DEPTOR: variants seen among roughly 807,000 people sequenced by gnomAD.
The protein encoded by DEPTOR is DEP domain-containing mTOR-interacting protein.
A neutral mutation model predicts 41.6 loss-of-function variants in DEPTOR; 41 were observed. The observed-to-expected ratio is 0.98, with a 90% CI of 0.77 to 1.28. DEPTOR has a LOEUF of 1.28. Ranked by LOEUF, DEPTOR falls within the 50% of genes most tolerant of loss-of-function variation. The pLI, the probability that DEPTOR is intolerant of heterozygous loss-of-function variation, is 0.00. For missense variants in DEPTOR, 514 were observed against 527.9 expected, an observed-to-expected ratio of 0.97 and a Z score of 0.26; for synonymous variants, 195 against 192.3, an observed-to-expected ratio of 1.01 and a Z score of -0.12.
At chr8:119,891,458 A>G (rs937776206) in intron 1 of DEPTOR, among the ~76,000 whole-genome samples, 1 of 152,162 alleles carries the variant, frequency 6.6e-6, no homozygotes, top group Non-Finnish European at 1.5e-5. Context: ...TTGGTTGAAG[A>G]AAATATTCCA....
In DEPTOR at chr8:119,929,972, G is replaced by A. The variant is rs1211004094; in HGVS notation, c.425+34G>A. ...CGCATGAAATCCCCCCTGTAATCTTGACTTATAGAAAGAAGCAGAACTGTG... is the reference window on the plus strand; with the variant it reads ...CGCATGAAATCCCCCCTGTAATCTTAACTTATAGAAAGAAGCAGAACTGTG... On this transcript the variant is annotated intron_variant, in intron 3 of 8. Transcript: ENST00000286234. The A allele has an allele frequency of 5.7e-6, 9 of 1,592,600 alleles. 1 individual carries two copies. In the South Asian group the frequency reaches 1.0e-4, roughly 18 times the overall value.
chr8:119,921,963 G>T (rs750936959), intron 1 of DEPTOR, among the ~76,000 whole-genome samples: 5 of 151,832 alleles, frequency 3.3e-5, no homozygotes, highest in African/African-American at 1.2e-4. Context: ...TAGGCTGGGC[G>T]CAGTAGCTCA....
At chr8:119,903,994 T>C (rs12679478) in intron 1 of DEPTOR, among the ~76,000 whole-genome samples, 108,647 of 151,974 alleles carry the variant, frequency 0.71, 39,337 homozygotes, top group East Asian at 0.95. Context: ...GGAGTTGCTA[T>C]TCTGACATCT....
intron 3 of DEPTOR, among the ~76,000 whole-genome samples, chr8:119,951,729 T>G (rs960442798): frequency 2.0e-5 from 3 of 152,228 alleles, no homozygotes; most frequent in African/African-American, 7.2e-5. Flanking sequence ...GAGCACCTAA[T>G]GTATACCTCC....
Position 119,873,804 on chromosome 8 carries a change from C to A in DEPTOR, c.-43C>A. The A allele has an allele frequency of 6.2e-7, 1 of 1,605,416 alleles. No individual in the cohort carries two copies. The highest frequency in any genetic ancestry group is 8.5e-7 in the Non-Finnish European group (1 of 1,176,010). On this transcript the variant is annotated 5_prime_UTR_variant, in exon 1 of 9. Coordinates refer to ENST00000286234, the MANE Select transcript of DEPTOR (RefSeq NM_022783.4). ...AGACTGATCCGAGCACCCAAACCCT[C>A]GGCGGACAGCGGAGCCAGTGGTAGC...
At chr8:119,953,148 T>C (rs913396564) in intron 3 of DEPTOR, among the ~76,000 whole-genome samples, 16 of 152,190 alleles carry the variant, frequency 1.1e-4, no homozygotes, top group African/African-American at 3.9e-4. Flanking sequence ...TTTCTTGCTG[T>C]TGGGGCCAAG....
At position 120,009,014 on chromosome 8, in the gene DEPTOR, G is replaced by A; in HGVS notation, c.997-15G>A. The A allele has an allele frequency of 6.2e-7, 1 of 1,613,430 alleles. No individual in the cohort carries two copies. Among genetic ancestry groups the A allele is most frequent in the Non-Finnish European group, 8.5e-7 (1 of 1,179,682 alleles). On this transcript the variant is annotated splice_polypyrimidine_tract_variant and intron_variant, in intron 7 of 8. Transcript: ENST00000286234. ...AGACAGTCGGCTGCTTGCTAATTGT[G>A]GTTTTCCTCTCTAGATTGTTGGTGA...
At chr8:119,991,294 C>T (rs1812169692) in intron 4 of DEPTOR, among the ~76,000 whole-genome samples, 1 of 151,886 alleles carries the variant, frequency 6.6e-6, no homozygotes, top group Non-Finnish European at 1.5e-5. Flanking sequence ...CCTTACCCCT[C>T]ATGTAGGCCC....
intron 8 of DEPTOR, among the ~76,000 whole-genome samples, chr8:120,036,500 C>G (rs377257459): frequency 6.6e-6 from 1 of 152,188 alleles, no homozygotes; most frequent in East Asian, 1.9e-4. Flanking sequence ...TGCATACTTG[C>G]AGAGAGATTT....
At chr8:120,009,851 T>A (rs1812503600) in intron 8 of DEPTOR, among the ~76,000 whole-genome samples, 1 of 152,168 alleles carries the variant, frequency 6.6e-6, no homozygotes, top group Non-Finnish European at 1.5e-5. Flanking sequence ...TTTGGAGGTT[T>A]GGTCTCCAAA....
At position 120,007,680 on chromosome 8, in the gene DEPTOR, C is replaced by T. The variant is rs1481282351; in HGVS notation, c.996+805C>T. On this transcript the variant is annotated intron_variant, in intron 7 of 8. Coordinates refer to ENST00000286234, the MANE Select transcript of DEPTOR (RefSeq NM_022783.4). ...AGGCTGGGGGAGAATTCTATCCACA[C>T]TCAGTCATGCTGCAAACATTTGCTG... 3.3e-5 allele frequency among the ~76,000 whole-genome samples: 5 copies of T among 152,316 alleles called. No individual in the cohort carries two copies. In the South Asian group the frequency reaches 1.0e-3, roughly 32 times the overall value.
chr8:119,951,535 T>G (rs1319467656), intron 3 of DEPTOR, among the ~76,000 whole-genome samples: 1 of 152,198 alleles, frequency 6.6e-6, no homozygotes, highest in Admixed American at 6.5e-5. Context: ...ATTACAACTT[T>G]CCAGAATATC....
At chr8:120,032,626 T>A (rs931378020) in intron 8 of DEPTOR, among the ~76,000 whole-genome samples, 5 of 152,100 alleles carry the variant, frequency 3.3e-5, no homozygotes, top group African/African-American at 9.7e-5. Context: ...CCACTGTTGG[T>A]CAGTAGGGCC....
intron 1 of DEPTOR, among the ~76,000 whole-genome samples, chr8:119,922,739 G>A (rs1827913027): frequency 6.6e-6 from 1 of 152,164 alleles, no homozygotes; most frequent in Non-Finnish European, 1.5e-5. Flanking sequence ...TAAAAACTCT[G>A]ATGCTCAGAG....
At chr8:119,908,766 GA>G (rs1827701445) in intron 1 of DEPTOR, among the ~76,000 whole-genome samples, 1 of 152,214 alleles carries the variant, frequency 6.6e-6, no homozygotes, top group African/African-American at 2.4e-5. Flanking sequence ...AGTTGCTATT[GA>G]ATCAAGCTGT....
chr8:119,895,211 A>G (rs1827502378), intron 1 of DEPTOR, among the ~76,000 whole-genome samples: 1 of 152,198 alleles, frequency 6.6e-6, no homozygotes, highest in Non-Finnish European at 1.5e-5. Flanking sequence ...TGGACTCATT[A>G]TTCTAGTGAC....
intron 1 of DEPTOR, among the ~76,000 whole-genome samples, chr8:119,908,322 G>A (rs746420940): frequency 3.3e-5 from 5 of 152,116 alleles, no homozygotes; most frequent in Non-Finnish European, 7.4e-5. Flanking sequence ...GAGGTGCAGT[G>A]GCTCACTTGT....
At chr8:119,956,657 G>C (rs2129942102) in intron 3 of DEPTOR, among the ~76,000 whole-genome samples, 1 of 149,486 alleles carries the variant, frequency 6.7e-6, no homozygotes, top group Admixed American at 6.7e-5. Flanking sequence ...TATCAATAGT[G>C]CCAAAGTCTC....
intron 8 of DEPTOR, among the ~76,000 whole-genome samples, chr8:120,011,472 T>G (rs1357938473): frequency 6.6e-6 from 1 of 152,222 alleles, no homozygotes; most frequent in East Asian, 1.9e-4. Flanking sequence ...ATTTTTCATT[T>G]TCTAATGGAA....
Sources: allele counts gnomAD v4.1 joint callset (sites outside exome capture counted in the v4.1 genomes callset), GRCh38; gene constraint gnomAD v4.1.1; transcripts MANE v1.5; gene names NCBI Gene and HGNC (gene_info 2026-07-23, HGNC 2026-07-21).